The following ISM1 variants were observed in gnomAD, a reference collection of about 807,000 sequenced individuals.
The protein encoded by ISM1 is isthmin-1.
ISM1 carries 25 observed loss-of-function variants against 46.3 expected under a neutral mutation model. The ratio of observed to expected loss-of-function variants is 0.54; its 90% CI spans 0.39 to 0.75. The LOEUF (loss-of-function observed/expected upper bound fraction) is 0.75, where lower values mean the gene tolerates loss of function less well. ISM1 is among the 30% of genes least tolerant of loss of function. ISM1 has a pLI of 0.00. For synonymous variants in ISM1, 255 were observed against 256.7 expected (o/e 0.99, Z 0.06); for missense variants, 536 against 625.4 (o/e 0.86, Z 1.52).
the ISM1 span, among the ~76,000 whole-genome samples, chr20:13,321,053 G>A: frequency 6.6e-6 from 1 of 151,712 alleles, no homozygotes; most frequent in Non-Finnish European, 1.5e-5. Flanking sequence ...ACAAAAATTA[G>A]CCAGGCATGG....
intron 1 of ISM1, among the ~76,000 whole-genome samples, chr20:13,232,720 C>T (rs1161162828): frequency 6.6e-6 from 1 of 152,148 alleles, no homozygotes; most frequent in Non-Finnish European, 1.5e-5. Flanking sequence ...TTTTGGTGCA[C>T]TCACATAAAG....
chr20:13,303,466 T>G (rs143831929), downstream of ISM1, among the ~76,000 whole-genome samples: 14 of 152,356 alleles, frequency 9.2e-5, no homozygotes, highest in African/African-American at 3.1e-4. Flanking sequence ...TGGGTCTGCT[T>G]TTCCCACCAC....
At chr20:13,309,360 C>CA in the ISM1 span, among the ~76,000 whole-genome samples, 1 of 150,926 alleles carries the variant, frequency 6.6e-6, no homozygotes, top group Non-Finnish European at 1.5e-5. Flanking sequence ...GAGTATTTGA[C>CA]AAAATTGAAT....
downstream of ISM1, among the ~76,000 whole-genome samples, chr20:13,304,883 C>T (rs1197308474): frequency 6.6e-6 from 1 of 152,180 alleles, no homozygotes; most frequent in Non-Finnish European, 1.5e-5. Flanking sequence ...CTCTTCCCCA[C>T]TTCCCTACTA....
At position 13,299,576 on chromosome 20, in the gene ISM1, C is replaced by T. The variant is rs2040440559; in HGVS notation, c.*117C>T. 3 of 955,914 alleles carry T rather than the reference C, an allele frequency of 3.1e-6. No homozygotes were observed. In the South Asian group the frequency reaches 4.8e-5, roughly 15 times the overall value. The allele number at this position is 955,914 out of a possible 1,614,324, so 59.2% of individuals were successfully genotyped here. On this transcript the variant is annotated 3_prime_UTR_variant, in exon 6 of 6. Coordinates refer to ENST00000262487, the MANE Select transcript of ISM1 (RefSeq NM_080826.2). This position sits in a 1 kb window ranked among gnomAD's most constrained non-coding sequence, Gnocchi z 5.8. ...CTGCGGTCGTGTATATTTGTATATACCACATGAGTATTTCTCATACATTAC... is the reference window on the plus strand; with the variant it reads ...CTGCGGTCGTGTATATTTGTATATATCACATGAGTATTTCTCATACATTAC...
At position 13,272,207 on chromosome 20, in the gene ISM1, A is replaced by G. The variant is rs184327774; in HGVS notation, c.378+1464A>G. Among the ~76,000 whole-genome samples the G allele has an allele frequency of 3.0e-3, 451 of 152,286 alleles. 4 individuals are homozygous for G. Among genetic ancestry groups the G allele is most frequent in the Non-Finnish European group, 1.7e-3 (119 of 68,024 alleles). ...AGTTCCTGAACTTGGACTCAGACCA[A>G]TTGATCCTTCATTAACTGCCTCTCT... On this transcript the variant is annotated intron_variant, in intron 2 of 5. Coordinates refer to ENST00000262487, the MANE Select transcript of ISM1 (RefSeq NM_080826.2).
intron 1 of ISM1, among the ~76,000 whole-genome samples, chr20:13,260,409 G>A (rs562764570): frequency 3.3e-4 from 50 of 152,316 alleles, no homozygotes; most frequent in South Asian, 1.2e-3. Flanking sequence ...GAAGAAAGTC[G>A]TTGGCAGGGC....
chr20:13,286,840 G>T (rs16993905), intron 3 of ISM1, among the ~76,000 whole-genome samples: 12 of 152,164 alleles, frequency 7.9e-5, no homozygotes, highest in Non-Finnish European at 1.6e-4. Flanking sequence ...AATAACAATC[G>T]CCACGACCTG....
At chr20:13,228,294 A>G (rs1443274365) in intron 1 of ISM1, among the ~76,000 whole-genome samples, 1 of 152,088 alleles carries the variant, frequency 6.6e-6, no homozygotes, top group African/African-American at 2.4e-5. Context: ...CTTCAATCTC[A>G]TACTTTCATC....
intron 1 of ISM1, among the ~76,000 whole-genome samples, chr20:13,257,168 A>G (rs1473898280): frequency 6.6e-6 from 1 of 152,194 alleles, no homozygotes; most frequent in African/African-American, 2.4e-5. Flanking sequence ...ATTTTCCTGT[A>G]TGTCTTATTG....
At chr20:13,270,388 T>A in intron 1 of ISM1, 116 bp from the exon 2 acceptor site, 1 of 1,194,244 alleles carries the variant, frequency 8.4e-7, no homozygotes, top group Non-Finnish European at 1.2e-6. Context: ...AATGCCCTAC[T>A]GGCTTAATTT....
chr20:13,238,955 C>CTCACTGGTA (rs1568665282), intron 1 of ISM1: 2 of 152,236 alleles, frequency 1.3e-5, no homozygotes, highest in Admixed American at 1.3e-4. Flanking sequence ...CTCTGCTCCC[C>CTCACTGGTA]TCACTGGTAC....
At chr20:13,247,526 G>GTGTC (rs2039812426) in intron 1 of ISM1, among the ~76,000 whole-genome samples, 2 of 149,352 alleles carry the variant, frequency 1.3e-5, no homozygotes, top group African/African-American at 4.9e-5. Context: ...GGGTGTGTGT[G>GTGTC]TGTGTGTGTG....
chr20:13,303,915 A>G (rs533992161), downstream of ISM1, among the ~76,000 whole-genome samples: 1 of 152,280 alleles, frequency 6.6e-6, no homozygotes, highest in South Asian at 2.1e-4. Flanking sequence ...GTAACAAATA[A>G]TCCTCAAAAT....
chr20:13,287,478 T>C (rs1016429551), intron 3 of ISM1, among the ~76,000 whole-genome samples: 2 of 152,142 alleles, frequency 1.3e-5, no homozygotes, highest in African/African-American at 4.8e-5. Context: ...ACCATATCAA[T>C]AGGGTACCAC....
At chr20:13,224,550 C>G (rs952293933) in intron 1 of ISM1, among the ~76,000 whole-genome samples, 1 of 152,150 alleles carries the variant, frequency 6.6e-6, no homozygotes, top group Non-Finnish European at 1.5e-5. Context: ...TCCTTCTTCA[C>G]AATCAGAAAA....
At position 13,221,658 on chromosome 20, in the gene ISM1, C is replaced by A; in HGVS notation, c.-119C>A. 6 of 859,596 alleles carry A rather than the reference C, an allele frequency of 7.0e-6. No homozygotes were observed. Among genetic ancestry groups the A allele is most frequent in the African/African-American group, 1.8e-5 (1 of 55,512 alleles). 53.2% of individuals were successfully genotyped at this position (859,596 alleles called of 1,614,324 possible). A position where few individuals can be genotyped will look rare whatever the true frequency, so the allele number is the denominator to read the frequency against. ...GCGGGCCCGGGAAGCGGAGCCCTGG[C>A]GGGAGCCGAGGCGGGAGCCGCGCTG... On this transcript the variant is annotated 5_prime_UTR_variant, in exon 1 of 6. Transcript: ENST00000262487.
At chr20:13,318,154 A>AATAAATAAATAAATAAATAT in the ISM1 span, among the ~76,000 whole-genome samples, 1 of 151,742 alleles carries the variant, frequency 6.6e-6, no homozygotes, top group South Asian at 2.1e-4. Flanking sequence ...TAAATAAATA[A>AATAAATAAATAAATAAATAT]ATAAATAAAA....
chr20:13,285,633 T>C (rs1332140762), intron 3 of ISM1, among the ~76,000 whole-genome samples: 4 of 152,148 alleles, frequency 2.6e-5, no homozygotes, highest in African/African-American at 9.7e-5. Context: ...TATTATCCCA[T>C]TGGCCAAAGC....
Sources: allele counts gnomAD v4.1 joint callset (sites outside exome capture counted in the v4.1 genomes callset), GRCh38; gene constraint gnomAD v4.1.1; non-coding constraint Gnocchi (gnomAD v3.1); transcripts MANE v1.5; gene names NCBI Gene and HGNC (gene_info 2026-07-23, HGNC 2026-07-21).